Variants in AGO1 observed in about 807,000 individuals in gnomAD.
The protein encoded by AGO1 is protein argonaute-1.
AGO1 carries 11 observed loss-of-function variants against 109.2 expected under a neutral mutation model. The observed-to-expected ratio is 0.10, with a 90% CI of 0.06 to 0.17. The LOEUF (loss-of-function observed/expected upper bound fraction) is 0.17. AGO1 is among the 10% of genes least tolerant of loss of function. The probability of loss-of-function intolerance (pLI) is 1.00; values close to 1 mark genes in which losing one functional copy is unlikely to be tolerated. For synonymous variants in AGO1, 422 were observed against 418.6 expected (o/e 1.01, Z -0.10); for missense variants, 574 against 1,140.3 (o/e 0.50, Z 7.15).
intron 1 of AGO1, among the ~76,000 whole-genome samples, chr1:35,871,387 A>G (rs575265174): frequency 5.9e-5 from 9 of 151,650 alleles, no homozygotes; most frequent in African/African-American, 2.2e-4. Flanking sequence ...TACTAAAAAT[A>G]TAAAAATTAG....
Position 35,902,304 on chromosome 1 carries a change from C to T in AGO1, c.1364C>T (p.Ala455Val), listed in dbSNP as rs753328428. The change falls in exon 11 of 19, where the codon GCA becomes GTA. Residue 455 changes from alanine (A) to valine (V), a missense_variant. Around this residue, in one of 8 missense-constraint regions of AGO1, gnomAD observed 106 missense variants for 147.8 expected, o/e 0.72. Transcript: ENST00000373204. ...AAAGTCTGGGCCATCGCCTGCTTCG[C>T]ACCCCAAAAACAGTGTCGAGAAGAG... Reference protein sequence around the residue: ...EIKVWAIACFAPQKQCREEVL... With the variant: ...EIKVWAIACFVPQKQCREEVL... 4 of 1,614,056 alleles carry T rather than the reference C, an allele frequency of 2.5e-6. No individual in the cohort carries two copies. The highest frequency in any genetic ancestry group is 1.1e-5 in the South Asian group (1 of 91,080).
Position 35,900,895 on chromosome 1 carries a change from G to A in AGO1, c.1021-579G>A, listed in dbSNP as rs1329742889. Among the ~76,000 whole-genome samples the A allele has an allele frequency of 3.3e-5, 5 of 151,774 alleles. No individual in the cohort carries two copies. In the East Asian group the frequency reaches 7.7e-4, roughly 24 times the overall value. On this transcript the variant is annotated intron_variant, in intron 8 of 18. Coordinates refer to ENST00000373204, the MANE Select transcript of AGO1 (RefSeq NM_012199.5). ...TGCACTCCAGCCTGGGTAACAGAGC[G>A]AGACTCTATCTCAAAAAAATAAATA...
In AGO1 at chr1:35,901,439, C is replaced by A; in HGVS notation, c.1021-35C>A. 6.2e-7 allele frequency: 1 copy of A among 1,613,430 alleles called. No homozygotes were observed. Among genetic ancestry groups the A allele is most frequent in the South Asian group, 1.1e-5 (1 of 90,844 alleles). ...CTCTGGGTACAGGGTGGACTGTACTCAAGCCAGAGCTACCTGTCCTTCTTG... is the reference window on the plus strand; with the variant it reads ...CTCTGGGTACAGGGTGGACTGTACTAAAGCCAGAGCTACCTGTCCTTCTTG... On this transcript the variant is annotated intron_variant, in intron 8 of 18. Transcript: ENST00000373204. The surrounding 1 kb of genome is among the most constrained non-coding windows in gnomAD (Gnocchi z 4.8).
chr1:35,903,042 G>C (rs1645448425), intron 11 of AGO1, among the ~76,000 whole-genome samples: 1 of 120,968 alleles, frequency 8.3e-6, no homozygotes, highest in Admixed American at 1.1e-4. Context: ...GTCTTGCTCT[G>C]TCACCCATGC....
Position 35,924,429 on chromosome 1 carries a change from A to T in AGO1, c.*4822A>T, listed in dbSNP as rs979339120. ...GGAATACTTCACAGAGCCTTCATTT[A>T]TTCTTCATTCAACAAACATGCAAAG... On this transcript the variant is annotated 3_prime_UTR_variant, in exon 19 of 19. Transcript: ENST00000373204. The T allele has an allele frequency of 6.6e-6, 1 of 152,356 alleles. No homozygotes were observed. Among genetic ancestry groups the T allele is most frequent in the Non-Finnish European group, 1.5e-5 (1 of 68,056 alleles). The allele number at this position is 152,356 out of a possible 1,614,324, so 9.4% of individuals were successfully genotyped here.
chr1:35,875,038 T>C (rs1418715246), intron 1 of AGO1, among the ~76,000 whole-genome samples: 1 of 152,192 alleles, frequency 6.6e-6, no homozygotes, highest in African/African-American at 2.4e-5. Flanking sequence ...AACATAAAAG[T>C]CGAAGGTGCT....
At chr1:35,904,327 G>T (rs778646827) in intron 11 of AGO1, among the ~76,000 whole-genome samples, 1 of 151,894 alleles carries the variant, frequency 6.6e-6, no homozygotes, top group East Asian at 1.9e-4. Context: ...GGATGGTCTC[G>T]ATCTCCTGAC....
chr1:35,917,553 G>A, intron 15 of AGO1, 40 bp from the exon 16 acceptor site: 1 of 1,598,884 alleles, frequency 6.3e-7, no homozygotes. Flanking sequence ...AAGAGGAACT[G>A]TGTATTTCTT....
In AGO1 at chr1:35,919,257, G is replaced by T; in HGVS notation, c.2465+3G>T. ...CTGGTGGACAAGGAGCATGACAGGT[G>T]AGGCCTGGGATCAGGTTGGCCTCCT... On this transcript the variant is annotated splice_donor_region_variant and intron_variant, in intron 18 of 18. Transcript: ENST00000373204. The surrounding 1 kb of genome is among the most constrained non-coding windows in gnomAD (Gnocchi z 6.6). The T allele has an allele frequency of 1.2e-6, 2 of 1,612,668 alleles. No individual in the cohort carries two copies. The highest frequency in any genetic ancestry group is 1.7e-6 in the Non-Finnish European group (2 of 1,179,422).
intron 1 of AGO1, among the ~76,000 whole-genome samples, chr1:35,872,840 C>A (rs1160508336): frequency 6.6e-6 from 1 of 152,124 alleles, no homozygotes; most frequent in African/African-American, 2.4e-5. Context: ...CCCAAAGCAC[C>A]AAAGCACTAG....
intron 11 of AGO1, 104 bp from the exon 12 acceptor site, chr1:35,906,831 C>T: frequency 1.4e-6 from 1 of 734,134 alleles, no homozygotes; most frequent in Non-Finnish European, 2.1e-6. Context: ...AAAAACCAAT[C>T]TCTCAGTGCC....
At chr1:35,885,628 C>A (rs1425380911) in intron 1 of AGO1, among the ~76,000 whole-genome samples, 5 of 152,158 alleles carry the variant, frequency 3.3e-5, no homozygotes, top group Non-Finnish European at 7.4e-5. Flanking sequence ...AAAACAACAA[C>A]AAAAAACCCC....
chr1:35,919,515 A>T lies in AGO1; in HGVS notation c.2482A>T (p.Ile828Leu). The T allele has an allele frequency of 6.2e-7, 1 of 1,613,792 alleles. No individual in the cohort carries two copies. The highest frequency in any genetic ancestry group is 8.5e-7 in the Non-Finnish European group (1 of 1,179,818). ...CCTTTTCAGTGGAGAGGGGAGCCAC[A>T]TATCGGGGCAGAGCAATGGGCGGGA... ...KEHDSGEGSH[I>L]SGQSNGRDPQ... The change falls in exon 19 of 19, where the codon ATA (isoleucine) becomes TTA (leucine). Residue 828 changes from isoleucine (I) to leucine (L), a missense_variant. Ile to Leu is a conservative substitution (Grantham distance 5). Coordinates refer to ENST00000373204, the MANE Select transcript of AGO1 (RefSeq NM_012199.5). The surrounding 1 kb of genome is among the most constrained non-coding windows in gnomAD (Gnocchi z 6.6).
At chr1:35,889,022 CTTGATGAGG>C (rs1175796855) in intron 2 of AGO1, among the ~76,000 whole-genome samples, 1 of 129,578 alleles carries the variant, frequency 7.7e-6, no homozygotes, top group Admixed American at 8.4e-5. Flanking sequence ...ATGGGATGTC[CTTGATGAGG>C]CAGAAGGACA....
In AGO1 at chr1:35,888,662, G is replaced by T; in HGVS notation, c.209+52G>T. 1 of 1,598,546 alleles carries T rather than the reference G, an allele frequency of 6.3e-7. No homozygotes were observed. Among genetic ancestry groups the T allele is most frequent in the Non-Finnish European group, 8.6e-7 (1 of 1,169,476 alleles). ...AATCTGAAAGACACCAACCTTGAAA[G>T]AGGGGCCAGAAAGGTAAAAGAAAAA... On this transcript the variant is annotated intron_variant, in intron 2 of 18. Transcript: ENST00000373204. This position sits in a 1 kb window ranked among gnomAD's most constrained non-coding sequence, Gnocchi z 4.1.
intron 1 of AGO1, among the ~76,000 whole-genome samples, chr1:35,872,559 T>A (rs1486809925): frequency 6.6e-6 from 1 of 151,866 alleles, no homozygotes; most frequent in Non-Finnish European, 1.5e-5. Flanking sequence ...CTATTCTTTT[T>A]AATTTTATTT....
At chr1:35,897,575 CACTTTGGG>C (rs1253222926) in intron 8 of AGO1, among the ~76,000 whole-genome samples, 2 of 152,016 alleles carry the variant, frequency 1.3e-5, no homozygotes, top group African/African-American at 4.8e-5. Context: ...GTAATCCCAG[CACTTTGGG>C]AGGTCAAGGC....
At chr1:35,898,115 TG>T (rs1645350509) in intron 8 of AGO1, among the ~76,000 whole-genome samples, 1 of 152,248 alleles carries the variant, frequency 6.6e-6, no homozygotes, top group Non-Finnish European at 1.5e-5. Flanking sequence ...TATCAGTTAA[TG>T]GACATTTGGA....
Position 35,919,620 on chromosome 1 carries a change from G to C in AGO1, c.*13G>C. ...GTACTTCGCTTGAAGGCAGAACGCTGTTACCTCACTGGATAGAAGAAAGCT... is the reference window on the plus strand; with the variant it reads ...GTACTTCGCTTGAAGGCAGAACGCTCTTACCTCACTGGATAGAAGAAAGCT... On this transcript the variant is annotated 3_prime_UTR_variant, in exon 19 of 19. Transcript: ENST00000373204. This position sits in a 1 kb window ranked among gnomAD's most constrained non-coding sequence, Gnocchi z 6.6. The C allele has an allele frequency of 6.2e-7, 1 of 1,609,378 alleles. No individual in the cohort carries two copies. Among genetic ancestry groups the C allele is most frequent in the East Asian group, 2.2e-5 (1 of 44,752 alleles).
Sources: gnomAD v4.1 joint callset for allele counts (sites outside exome capture counted in the v4.1 genomes callset) on GRCh38, gnomAD v4.1.1 for gene constraint, gnomAD v4.1.1 regional missense constraint, Gnocchi (gnomAD v3.1) non-coding constraint, MANE v1.5 for transcripts, NCBI Gene and HGNC (gene_info 2026-07-23, HGNC 2026-07-21) for gene names.